Variants in GSPT1 observed in about 807,000 individuals in gnomAD.
The protein encoded by GSPT1 is eukaryotic peptide chain release factor GTP-binding subunit ERF3A.
A neutral mutation model predicts 72.5 loss-of-function variants in GSPT1; 20 were observed. The ratio of observed to expected loss-of-function variants is 0.28; its 90% CI spans 0.19 to 0.40. The LOEUF is 0.40. GSPT1 is among the 10% of genes least tolerant of loss of function. GSPT1 has a pLI of 1.00. For synonymous variants in GSPT1, 334 were observed against 293.5 expected (o/e 1.14, Z -1.41); for missense variants, 580 against 811.9 (o/e 0.71, Z 3.47).
At chr16:11,891,250 TA>T (rs1451057821) in intron 5 of GSPT1, 111 bp from the exon 6 acceptor site, 1 of 503,044 alleles carries the variant, frequency 2.0e-6, no homozygotes. Context: ...ATAGTTATTT[TA>T]TATGTGTGTG....
rs748371986 is a variant in GSPT1 at position 11,873,115 on chromosome 16, A to G, written c.*4T>C. ...AGTATTGTGCAGGGTCATCAAGAAA[A>G]TGCTTAGTCTTTCTCTGGAACCAGT... On this transcript the variant is annotated 3_prime_UTR_variant, in exon 15 of 15. Coordinates refer to ENST00000434724, the MANE Select transcript of GSPT1 (RefSeq NM_002094.4). 1.9e-6 allele frequency: 3 copies of G among 1,567,794 alleles called. 1 individual carries two copies. Among genetic ancestry groups the G allele is most frequent in the Non-Finnish European group, 8.8e-7 (1 of 1,138,142 alleles).
At chr16:11,893,221 C>A (rs1024753235) in intron 5 of GSPT1, among the ~76,000 whole-genome samples, 2 of 151,946 alleles carry the variant, frequency 1.3e-5, no homozygotes, top group African/African-American at 4.8e-5. Flanking sequence ...CATCCTCCCC[C>A]CTATAAATAG....
rs556439831 is a variant in GSPT1, at chr16:11,870,380, G to A, written c.*2739C>T. 8 of 152,012 alleles carry A rather than the reference G, an allele frequency of 5.3e-5. No homozygotes were observed. Among genetic ancestry groups the A allele is most frequent in the East Asian group, 1.9e-4 (1 of 5,182 alleles). The allele number at this position is 152,012 out of a possible 1,614,324, so 9.4% of individuals were successfully genotyped here. A position where few individuals can be genotyped will look rare whatever the true frequency, so the allele number is the denominator to read the frequency against. On this transcript the variant is annotated 3_prime_UTR_variant, in exon 15 of 15. Coordinates refer to ENST00000434724, the MANE Select transcript of GSPT1 (RefSeq NM_002094.4). ...TATTAATTTAAAAAACTAAATAATC[G>A]CATGAAAGTTATATAAAGAACATCA...
chr16:11,910,799 T>C (rs1047965498), intron 1 of GSPT1, among the ~76,000 whole-genome samples: 2 of 152,242 alleles, frequency 1.3e-5, no homozygotes, highest in African/African-American at 4.8e-5. Flanking sequence ...AGATATGTAC[T>C]GACAGCACTA....
intron 7 of GSPT1, 45 bp downstream of exon 7, chr16:11,887,525 G>A: frequency 6.8e-7 from 1 of 1,461,696 alleles, no homozygotes; most frequent in Non-Finnish European, 9.5e-7. Flanking sequence ...GATATAAGCG[G>A]GGCTACTAAC....
In GSPT1 at chr16:11,875,798, G is replaced by C; in HGVS notation, c.1824C>G (p.Asp608Glu). Reference protein sequence around the residue: ...AGTICLETFKDFPQMGRFTLR... With the variant: ...AGTICLETFKEFPQMGRFTLR... Reference sequence around the variant, plus strand: ...AGGTGAAACGACCCATCTGAGGGAAGTCTTTAAAGGTCTCAAGGCAGATGG... The same window carrying C: ...AGGTGAAACGACCCATCTGAGGGAACTCTTTAAAGGTCTCAAGGCAGATGG... The change falls in exon 14 of 15, where the codon GAC becomes GAG. Residue 608 changes from aspartate (D) to glutamate (E), a missense_variant. Coordinates refer to ENST00000434724, the MANE Select transcript of GSPT1 (RefSeq NM_002094.4). The C allele has an allele frequency of 6.2e-7, 1 of 1,612,294 alleles. No homozygotes were observed. The highest frequency in any genetic ancestry group is 8.5e-7 in the Non-Finnish European group (1 of 1,179,600).
chr16:11,903,943 C>G (rs543362959), intron 1 of GSPT1: 1 of 184,148 alleles, frequency 5.4e-6, no homozygotes, highest in African/African-American at 2.4e-5. Flanking sequence ...CTGAAAGATA[C>G]CAGCCTTCCT....
chr16:11,891,775 G>T (rs953445055), intron 5 of GSPT1, among the ~76,000 whole-genome samples: 11 of 150,960 alleles, frequency 7.3e-5, no homozygotes, highest in Admixed American at 6.0e-4. Flanking sequence ...CGATTCTCCT[G>T]TCTCAGCCTC....
At chr16:11,874,355 G>A (rs546259992) in intron 14 of GSPT1, among the ~76,000 whole-genome samples, 65 of 151,090 alleles carry the variant, frequency 4.3e-4, no homozygotes, top group African/African-American at 1.4e-3. Flanking sequence ...AATCACCACT[G>A]ACTACAGTGC....
At chr16:11,887,265 CAG>C (rs2054196841) in intron 7 of GSPT1, among the ~76,000 whole-genome samples, 1 of 152,074 alleles carries the variant, frequency 6.6e-6, no homozygotes, top group Admixed American at 6.6e-5. Context: ...CCGTATGAAA[CAG>C]ATGGTTTCCT....
At chr16:11,881,449 A>G (rs183820066) in intron 11 of GSPT1, 14 of 152,278 alleles carry the variant, frequency 9.2e-5, no homozygotes, top group East Asian at 7.7e-4. Flanking sequence ...CTGGTAAAAT[A>G]TAAGTAATAA....
chr16:11,900,289 C>T (rs982635518), intron 1 of GSPT1, among the ~76,000 whole-genome samples: 2 of 149,604 alleles, frequency 1.3e-5, no homozygotes, highest in South Asian at 2.1e-4. Context: ...GCCAAGATCA[C>T]GTCACTGCAC....
rs2054061119 is a variant in GSPT1, at chr16:11,877,320, T to C, written c.1602+87A>G. The C allele has an allele frequency of 6.6e-6, 6 of 906,816 alleles. No individual in the cohort carries two copies. Among genetic ancestry groups the C allele is most frequent in the African/African-American group, 3.4e-5 (2 of 59,004 alleles). 56.2% of individuals were successfully genotyped at this position (906,816 alleles called of 1,614,324 possible). The stretch of plus-strand genomic sequence containing the variant: ...ACACTAAGATGGGTTAACTGGCATG[T>C]CACAAATAATCAGGACAAAAGGCAC... On this transcript the variant is annotated intron_variant, in intron 12 of 14. Transcript: ENST00000434724. This position sits in a 1 kb window ranked among gnomAD's most constrained non-coding sequence, Gnocchi z 4.0.
Position 11,872,154 on chromosome 16 carries a change from T to A in GSPT1, c.*965A>T, listed in dbSNP as rs767667231. The stretch of plus-strand genomic sequence containing the variant: ...AAGTGGCACTTGCAACTGATACGGT[T>A]TTCATACTAGAGGCATGCAGCTCTA... On this transcript the variant is annotated 3_prime_UTR_variant, in exon 15 of 15. Transcript: ENST00000434724. 1.3e-5 allele frequency: 2 copies of A among 152,178 alleles called. No homozygotes were observed. Among genetic ancestry groups the A allele is most frequent in the Non-Finnish European group, 2.9e-5 (2 of 68,028 alleles). The allele number at this position is 152,178 out of a possible 1,614,324, so 9.4% of individuals were successfully genotyped here.
rs1174332808 is a variant in GSPT1, at chr16:11,871,265, T to G, written c.*1854A>C. 6.6e-6 allele frequency: 1 copy of G among 152,196 alleles called. No individual in the cohort carries two copies. Among genetic ancestry groups the G allele is most frequent in the African/African-American group, 2.4e-5 (1 of 41,448 alleles). The allele number at this position is 152,196 out of a possible 1,614,324, so 9.4% of individuals were successfully genotyped here. ...CTCATTCAAGAAATGAATGGGAATT[T>G]CACAGTTAAGAAAACACTAGGCCAA... On this transcript the variant is annotated 3_prime_UTR_variant, in exon 15 of 15. Coordinates refer to ENST00000434724, the MANE Select transcript of GSPT1 (RefSeq NM_002094.4).
chr16:11,873,255 A>T, intron 14 of GSPT1, 84 bp from the exon 15 acceptor site: 1 of 681,598 alleles, frequency 1.5e-6, no homozygotes, highest in South Asian at 1.9e-5. Flanking sequence ...TTAAATCACA[A>T]AAATATTTTT....
At chr16:11,903,109 G>A (rs1462867718) in intron 1 of GSPT1, among the ~76,000 whole-genome samples, 1 of 152,128 alleles carries the variant, frequency 6.6e-6, no homozygotes, top group Non-Finnish European at 1.5e-5. Context: ...CCAACAGTAT[G>A]TCTGTTTTCT....
chr16:11,897,340 A>G (rs1354334395), intron 3 of GSPT1, among the ~76,000 whole-genome samples: 2 of 152,140 alleles, frequency 1.3e-5, no homozygotes, highest in African/African-American at 4.8e-5. Context: ...TAATCCCAGC[A>G]CTTTCGGAGG....
At chr16:11,875,338 T>A (rs1022934287) in intron 14 of GSPT1, among the ~76,000 whole-genome samples, 2 of 152,142 alleles carry the variant, frequency 1.3e-5, no homozygotes, top group African/African-American at 4.8e-5. Flanking sequence ...GAATGTTAGT[T>A]GTTCTGCGTC....
Sources: allele counts gnomAD v4.1 joint callset (sites outside exome capture counted in the v4.1 genomes callset), GRCh38; gene constraint gnomAD v4.1.1; non-coding constraint Gnocchi (gnomAD v3.1); transcripts MANE v1.5; gene names NCBI Gene and HGNC (gene_info 2026-07-23, HGNC 2026-07-21).